Variants in EPB41L2 observed in about 807,000 individuals in gnomAD.
The protein encoded by EPB41L2 is erythrocyte membrane protein band 4.1 like 2.
In EPB41L2, 43 loss-of-function variants were observed where a neutral mutation model predicts 113.0. The ratio of observed to expected loss-of-function variants is 0.38; its 90% CI spans 0.30 to 0.49. The LOEUF (loss-of-function observed/expected upper bound fraction) is 0.49. Ranked by LOEUF, EPB41L2 falls within the 20% of genes least tolerant of loss-of-function variation. The pLI is 0.95. For missense variants in EPB41L2, 1,147 were observed against 1,223.4 expected (o/e 0.94, Z 0.93); for synonymous variants, 442 against 436.7 (o/e 1.01, Z -0.15).
intron 3 of EPB41L2, among the ~76,000 whole-genome samples, chr6:130,952,018 T>C (rs1336938041): frequency 1.3e-5 from 2 of 152,248 alleles, no homozygotes; most frequent in East Asian, 1.9e-4. Flanking sequence ...TCGTGAAGAT[T>C]TGCAGATTTT....
intron 14 of EPB41L2, among the ~76,000 whole-genome samples, chr6:130,875,998 A>G (rs1472814795): frequency 6.7e-6 from 1 of 150,086 alleles, no homozygotes; most frequent in African/African-American, 2.4e-5. Context: ...AAAAAAAAAA[A>G]GAAGAAAGAA....
At chr6:130,954,040 C>CTTTCTTTCTTTCTTTT (rs1816373036) in intron 3 of EPB41L2, among the ~76,000 whole-genome samples, 1 of 58,850 alleles carries the variant, frequency 1.7e-5, no homozygotes, top group African/African-American at 5.4e-5. Flanking sequence ...CCTTTTCTTT[C>CTTTCTTTCTTTCTTTT]TTTTTTTTTT....
intron 1 of EPB41L2, among the ~76,000 whole-genome samples, chr6:131,042,373 A>T (rs1301285941): frequency 6.6e-6 from 1 of 152,220 alleles, no homozygotes; most frequent in East Asian, 1.9e-4. Flanking sequence ...TGATACAACA[A>T]ATGAAATAAT....
chr6:130,850,855 G>C (rs998711702), intron 19 of EPB41L2, among the ~76,000 whole-genome samples: 10 of 152,208 alleles, frequency 6.6e-5, no homozygotes, highest in African/African-American at 2.4e-4. Context: ...TGTGTGGGGG[G>C]AGTTCAAATA....
intron 15 of EPB41L2, chr6:130,868,850 T>C (rs1784745716): frequency 6.6e-6 from 1 of 152,150 alleles, no homozygotes; most frequent in Non-Finnish European, 1.5e-5. Context: ...AAACATATAA[T>C]CATCTGGCAA....
intron 19 of EPB41L2, among the ~76,000 whole-genome samples, chr6:130,841,879 A>G (rs1193079556): frequency 6.6e-6 from 1 of 152,252 alleles, no homozygotes; most frequent in African/African-American, 2.4e-5. Context: ...AGAGTCTTGC[A>G]GAAGTCCACA....
At chr6:131,026,935 T>C (rs1790999561) in intron 1 of EPB41L2, among the ~76,000 whole-genome samples, 1 of 152,172 alleles carries the variant, frequency 6.6e-6, no homozygotes, top group Admixed American at 6.5e-5. Context: ...TTACTACATA[T>C]TCCTTTAGGT....
At chr6:131,012,545 C>T (rs1196006988) in intron 1 of EPB41L2, among the ~76,000 whole-genome samples, 1 of 149,330 alleles carries the variant, frequency 6.7e-6, no homozygotes, top group African/African-American at 2.5e-5. Context: ...GAAGAAGAAA[C>T]TGATGTTGAT....
At chr6:130,894,168 T>TTTTCTTTCTTTCTTAGAAAG (rs1793846214) in intron 10 of EPB41L2, among the ~76,000 whole-genome samples, 176 bp downstream of exon 10, 2 of 152,080 alleles carry the variant, frequency 1.3e-5, no homozygotes, top group African/African-American at 2.4e-5. Context: ...CTAAAAGCAA[T>TTTTCTTTCTTTCTTAGAAAG]ACCAAGCTGT....
At chr6:130,860,780 C>A (rs998142700) in intron 18 of EPB41L2, among the ~76,000 whole-genome samples, 1 of 151,748 alleles carries the variant, frequency 6.6e-6, no homozygotes, top group African/African-American at 2.4e-5. Context: ...ATGATCTGCC[C>A]GCCTCGGCCT....
chr6:130,996,964 G>T (rs756271065), intron 1 of EPB41L2, among the ~76,000 whole-genome samples: 1 of 152,040 alleles, frequency 6.6e-6, no homozygotes, highest in African/African-American at 2.4e-5. Context: ...CAGTTTTAAG[G>T]GCAGTACAAA....
intron 1 of EPB41L2, among the ~76,000 whole-genome samples, chr6:130,973,682 CTAA>C (rs1156591907): frequency 6.6e-6 from 1 of 152,140 alleles, no homozygotes. Context: ...TTTGGAGAGG[CTAA>C]TCAGAAACTC....
chr6:131,007,512 T>C (rs1339029747), intron 1 of EPB41L2, among the ~76,000 whole-genome samples: 2 of 152,038 alleles, frequency 1.3e-5, no homozygotes, highest in Non-Finnish European at 2.9e-5. Flanking sequence ...GGAAGGAACT[T>C]TGGAAATGGG....
At chr6:130,866,886 A>G (rs1252617798) in intron 16 of EPB41L2, among the ~76,000 whole-genome samples, 1 of 152,220 alleles carries the variant, frequency 6.6e-6, no homozygotes, top group East Asian at 1.9e-4. Flanking sequence ...GACACATGGT[A>G]TCACCATTCA....
intron 1 of EPB41L2, among the ~76,000 whole-genome samples, chr6:130,999,763 G>C (rs1294696601): frequency 6.6e-6 from 1 of 152,174 alleles, no homozygotes; most frequent in Non-Finnish European, 1.5e-5. Flanking sequence ...TTTAGATCTG[G>C]AAGGGACCCA....
At chr6:130,910,737 A>T (rs566253915) in intron 4 of EPB41L2, among the ~76,000 whole-genome samples, 1 of 152,384 alleles carries the variant, frequency 6.6e-6, no homozygotes, top group Admixed American at 6.5e-5. Flanking sequence ...ACTTCTCAAA[A>T]GAAGACATTT....
In EPB41L2 at chr6:130,926,716, A is replaced by G; in HGVS notation, c.706-7T>C. On this transcript the variant is annotated splice_polypyrimidine_tract_variant and splice_region_variant and intron_variant, in intron 3 of 19. Coordinates refer to ENST00000337057, the MANE Select transcript of EPB41L2 (RefSeq NM_001431.4). ...CTTGTCCCTTGGCATGTTTCTGGAG[A>G]AAAAATAATAACTTTACTTTTCAAG... is the stretch of plus-strand genomic sequence containing the variant. 6.4e-7 allele frequency: 1 copy of G among 1,570,700 alleles called. No individual in the cohort carries two copies. The highest frequency in any genetic ancestry group is 8.6e-7 in the Non-Finnish European group (1 of 1,157,424).
chr6:130,976,902 A>G (rs1232088745), intron 1 of EPB41L2, among the ~76,000 whole-genome samples: 1 of 152,204 alleles, frequency 6.6e-6, no homozygotes, highest in Non-Finnish European at 1.5e-5. Flanking sequence ...TGCCCACAAG[A>G]ATCTACTGGA....
At chr6:131,054,829 C>G (rs923529218) in intron 1 of EPB41L2, among the ~76,000 whole-genome samples, 9 of 152,328 alleles carry the variant, frequency 5.9e-5, no homozygotes, top group African/African-American at 2.2e-4. Context: ...TTCCACAGCC[C>G]TTCATATTTA....
Sources: gnomAD v4.1 joint callset for allele counts (sites outside exome capture counted in the v4.1 genomes callset) on GRCh38, gnomAD v4.1.1 for gene constraint, MANE v1.5 for transcripts, NCBI Gene and HGNC (gene_info 2026-07-23, HGNC 2026-07-21) for gene names.